DGKB: variants seen among roughly 807,000 people sequenced by gnomAD.
DGKB encodes diacylglycerol kinase beta, also known as 90 kDa diacylglycerol kinase.
DGKB carries 67 observed loss-of-function variants against 114.3 expected under a neutral mutation model. That is an observed-to-expected ratio of 0.59 (90% CI 0.48 to 0.72). The LOEUF is 0.72. Among genes scored for constraint, DGKB ranks in the 30% least tolerant of loss-of-function variants. The pLI is 0.00. For missense variants in DGKB, 907 were observed against 975.2 expected (o/e 0.93, Z 0.93); for synonymous variants, 398 against 323.1 (o/e 1.23, Z -2.49).
At chr7:14,281,108 G>A (rs541560891) in intron 23 of DGKB, among the ~76,000 whole-genome samples, 275 of 147,024 alleles carry the variant, frequency 1.9e-3, no homozygotes, top group African/African-American at 6.6e-3. Flanking sequence ...GCTGTATTCA[G>A]GAAACCCATC....
At chr7:14,281,570 A>G (rs1435449297) in intron 23 of DGKB, among the ~76,000 whole-genome samples, 1 of 147,188 alleles carries the variant, frequency 6.8e-6, no homozygotes, top group Non-Finnish European at 1.5e-5. Context: ...TTTTTTCAGC[A>G]CCACACCACA....
At chr7:14,626,104 AT>A (rs1176799012) in intron 14 of DGKB, among the ~76,000 whole-genome samples, 3 of 152,184 alleles carry the variant, frequency 2.0e-5, no homozygotes, top group Non-Finnish European at 4.4e-5. Flanking sequence ...TAAAAAAAAA[AT>A]CTTTGTCTAC....
intron 1 of DGKB, among the ~76,000 whole-genome samples, chr7:14,969,571 A>G (rs1217923910): frequency 6.6e-6 from 1 of 152,154 alleles, no homozygotes; most frequent in African/African-American, 2.4e-5. Flanking sequence ...GATCAGCAGC[A>G]GCATTAGATT....
chr7:14,170,157 GAAAGAAAGAA>G (rs1562523479), intron 25 of DGKB, among the ~76,000 whole-genome samples: 8,908 of 87,216 alleles, frequency 0.1, 810 homozygotes, highest in Admixed American at 0.19. Flanking sequence ...AAGAAAGAAA[GAAAGAAAGAA>G]AGAAAGAAAG....
At chr7:14,672,172 G>C (rs1362101766) in intron 13 of DGKB, among the ~76,000 whole-genome samples, 1 of 151,882 alleles carries the variant, frequency 6.6e-6, no homozygotes, top group Non-Finnish European at 1.5e-5. Flanking sequence ...TCATTTCTTA[G>C]TTGTTATAAT....
chr7:14,434,109 T>C, intron 21 of DGKB, among the ~76,000 whole-genome samples: 1 of 152,114 alleles, frequency 6.6e-6, no homozygotes, highest in African/African-American at 2.4e-5. Flanking sequence ...ATAAGATAGT[T>C]ATCTTAGAAT....
At chr7:14,246,319 G>T (rs12667752) in intron 23 of DGKB, among the ~76,000 whole-genome samples, 32,158 of 152,030 alleles carry the variant, frequency 0.21, 3,502 homozygotes, top group East Asian at 0.39. Flanking sequence ...GTTTTAAAAT[G>T]AATGTAATTT....
At chr7:14,403,084 A>G (rs1435360577) in intron 21 of DGKB, among the ~76,000 whole-genome samples, 2 of 151,960 alleles carry the variant, frequency 1.3e-5, no homozygotes, top group African/African-American at 2.4e-5. Context: ...ATATGTATAT[A>G]CATACATAGA....
intron 5 of DGKB, among the ~76,000 whole-genome samples, chr7:14,733,751 AAGAAAGAAAGAAAGAAAGAAAGAAAGG>A (rs1831261101): frequency 4.3e-4 from 2 of 4,614 alleles, no homozygotes; most frequent in Admixed American, 6.8e-3. Flanking sequence ...AGAAATAAAG[AAGAAAGAAAGAAAGAAAGAAAGAAAGG>A]AAGAAAGAAA....
intron 1 of DGKB, among the ~76,000 whole-genome samples, chr7:14,852,487 C>CAAAAAAAACAAAAACAAAAAA (rs1554304219): frequency 6.3e-5 from 4 of 63,618 alleles, no homozygotes; most frequent in South Asian, 1.2e-3. Flanking sequence ...TAGTGAAAGT[C>CAAAAAAAACAAAAACAAAAAA]AAAAAAAAAA....
At chr7:14,211,789 A>ATTT (rs1236622735) in intron 23 of DGKB, among the ~76,000 whole-genome samples, 1 of 21,616 alleles carries the variant, frequency 4.6e-5, no homozygotes. Context: ...ATGTTTTGTG[A>ATTT]TATTTACTCT....
At chr7:14,278,919 A>G (rs1364088736) in intron 23 of DGKB, among the ~76,000 whole-genome samples, 5 of 152,184 alleles carry the variant, frequency 3.3e-5, no homozygotes, top group African/African-American at 1.2e-4. Context: ...TACAGCTCCC[A>G]GCCTGAGCAA....
At chr7:14,586,160 C>T (rs1800726333) in intron 17 of DGKB, among the ~76,000 whole-genome samples, 1 of 151,982 alleles carries the variant, frequency 6.6e-6, no homozygotes, top group African/African-American at 2.4e-5. Context: ...TGCCAGTAAG[C>T]CAAGCTGTAA....
chr7:14,316,180 A>G (rs1806474244), intron 23 of DGKB, among the ~76,000 whole-genome samples: 1 of 152,164 alleles, frequency 6.6e-6, no homozygotes, highest in Non-Finnish European at 1.5e-5. Context: ...AAGAGAAAGC[A>G]GGAAAGATCC....
intron 2 of DGKB, among the ~76,000 whole-genome samples, chr7:14,804,152 C>T (rs1284680553): frequency 6.7e-6 from 1 of 149,770 alleles, no homozygotes; most frequent in Non-Finnish European, 1.5e-5. Flanking sequence ...TGACTGCATG[C>T]TTTATTTCCC....
upstream of DGKB, among the ~76,000 whole-genome samples, chr7:14,906,736 C>T (rs1783730945): frequency 6.6e-6 from 1 of 152,188 alleles, no homozygotes; most frequent in African/African-American, 2.4e-5. Flanking sequence ...CAGGCGTGAG[C>T]CACAGTGCCC....
intron 17 of DGKB, among the ~76,000 whole-genome samples, chr7:14,588,444 T>A (rs1019027726): frequency 1.3e-5 from 2 of 152,084 alleles, no homozygotes; most frequent in African/African-American, 4.8e-5. Context: ...AGCTCAGAAT[T>A]CACATACACT....
At chr7:14,736,738 C>G (rs6461123) in intron 4 of DGKB, among the ~76,000 whole-genome samples, 14,002 of 152,222 alleles carry the variant, frequency 0.092, 832 homozygotes, top group East Asian at 0.24. Flanking sequence ...AAACTTCATA[C>G]GCAGACTTTC....
intron 21 of DGKB, among the ~76,000 whole-genome samples, chr7:14,422,533 A>C (rs979000907): frequency 5.3e-5 from 8 of 152,044 alleles, no homozygotes; most frequent in African/African-American, 1.9e-4. Context: ...AGAGGACACA[A>C]AATCATTCCA....
Sources: gnomAD v4.1 joint callset for allele counts (sites outside exome capture counted in the v4.1 genomes callset) on GRCh38, gnomAD v4.1.1 for gene constraint, MANE v1.5 for transcripts, NCBI Gene and HGNC (gene_info 2026-07-23, HGNC 2026-07-21) for gene names.